Variants in PDZD2 observed in about 807,000 individuals in gnomAD.
PDZD2 encodes PDZ domain-containing protein 2.
PDZD2 carries 90 observed loss-of-function variants against 220.7 expected under a neutral mutation model. The observed-to-expected ratio is 0.41, with a 90% confidence interval of 0.34 to 0.49. The LOEUF (loss-of-function observed/expected upper bound fraction) is 0.49. PDZD2 is among the 20% of genes least tolerant of loss of function. The pLI, the probability that PDZD2 is intolerant of heterozygous loss-of-function variation, is 0.28. For synonymous variants in PDZD2, 1,375 were observed against 1,450.5 expected (o/e 0.95, Z 1.18); for missense variants, 3,174 against 3,608.5 (o/e 0.88, Z 3.08).
intron 8 of PDZD2, among the ~76,000 whole-genome samples, chr5:32,051,257 T>C (rs1362231745): frequency 6.6e-6 from 1 of 152,160 alleles, no homozygotes; most frequent in African/African-American, 2.4e-5. Context: ...ACTGCAATGG[T>C]TTCATTAAAA....
intron 1 of PDZD2, among the ~76,000 whole-genome samples, chr5:31,714,528 T>TC (rs2150141770): frequency 6.6e-6 from 1 of 152,282 alleles, no homozygotes; most frequent in African/African-American, 2.4e-5. Flanking sequence ...GCATCCCTGT[T>TC]ATGCAACCTC....
chr5:32,093,304 G>A (rs1303753065), intron 21 of PDZD2, among the ~76,000 whole-genome samples: 1 of 152,224 alleles, frequency 6.6e-6, no homozygotes, highest in Non-Finnish European at 1.5e-5. Context: ...TAACTCCTAT[G>A]TGTGGAGTTT....
rs565781214 is a variant in PDZD2 at position 31,798,917 on chromosome 5, G to A, written c.-332G>A. The A allele has an allele frequency of 3.2e-5, 10 of 309,856 alleles. No homozygotes were observed. The highest frequency in any genetic ancestry group is 1.2e-5 in the Non-Finnish European group (2 of 167,600). The allele number at this position is 309,856 out of a possible 1,614,324, so 19.2% of individuals were successfully genotyped here. On this transcript the variant is annotated 5_prime_UTR_variant, in exon 2 of 25. Coordinates refer to ENST00000438447, the MANE Select transcript of PDZD2 (RefSeq NM_178140.4). The stretch of plus-strand genomic sequence containing the variant: ...TGAATGAGCCCAGGGAAGGACACAC[G>A]GCCACTGCTGGAGGGATCCTCCATT...
intron 1 of PDZD2, among the ~76,000 whole-genome samples, chr5:31,763,754 C>T (rs1751798395): frequency 6.6e-6 from 1 of 151,810 alleles, no homozygotes; most frequent in Non-Finnish European, 1.5e-5. Context: ...GCTTCACCAG[C>T]CTCATCAAAG....
At chr5:31,854,225 A>G (rs1286748153) in intron 2 of PDZD2, among the ~76,000 whole-genome samples, 1 of 152,190 alleles carries the variant, frequency 6.6e-6, no homozygotes, top group Non-Finnish European at 1.5e-5. Flanking sequence ...GATGTAAACA[A>G]TTCGGCCTCG....
At chr5:31,768,201 G>A (rs1300607130) in intron 1 of PDZD2, among the ~76,000 whole-genome samples, 2 of 152,198 alleles carry the variant, frequency 1.3e-5, no homozygotes, top group African/African-American at 4.8e-5. Context: ...GCAAACAGTT[G>A]GCACCAGAGT....
chr5:31,960,869 T>C (rs546005018), intron 2 of PDZD2, among the ~76,000 whole-genome samples: 53 of 152,354 alleles, frequency 3.5e-4, no homozygotes, highest in African/African-American at 1.2e-3. Flanking sequence ...AAAGTATAAT[T>C]TTGTTAACAA....
intron 8 of PDZD2, among the ~76,000 whole-genome samples, chr5:32,051,637 G>A (rs753784428): frequency 2.6e-5 from 4 of 152,112 alleles, no homozygotes; most frequent in Non-Finnish European, 5.9e-5. Flanking sequence ...TCTAAGGAGC[G>A]CAGCCTGCTT....
At chr5:32,056,177 C>A (rs1739065416) in intron 10 of PDZD2, among the ~76,000 whole-genome samples, 1 of 152,190 alleles carries the variant, frequency 6.6e-6, no homozygotes, top group South Asian at 2.1e-4. Flanking sequence ...CACCTCCTCA[C>A]CTAATTGAGT....
At chr5:32,064,970 A>G (rs1740083160) in intron 14 of PDZD2, among the ~76,000 whole-genome samples, 1 of 151,722 alleles carries the variant, frequency 6.6e-6, no homozygotes, top group Non-Finnish European at 1.5e-5. Flanking sequence ...TTTGTCTCAA[A>G]AAAGTAAAGA....
At position 32,110,424 on chromosome 5, in the gene PDZD2, T is replaced by G. The variant is rs1032830682; in HGVS notation, c.*2289T>G. 1.9e-4 allele frequency: 29 copies of G among 152,650 alleles called. No individual in the cohort carries two copies. Among genetic ancestry groups the G allele is most frequent in the African/African-American group, 7.0e-4 (29 of 41,474 alleles). The allele number at this position is 152,650 out of a possible 1,614,324, so 9.5% of individuals were successfully genotyped here. A position where few individuals can be genotyped will look rare whatever the true frequency, so the allele number is the denominator to read the frequency against. ...GGAAGAAGCAAAAGCTAAACTGTCT[T>G]TGACCCTAAGATAGATAGAAAGCTA... On this transcript the variant is annotated 3_prime_UTR_variant, in exon 25 of 25. Transcript: ENST00000438447.
intron 24 of PDZD2, among the ~76,000 whole-genome samples, chr5:32,103,116 A>AAAAC (rs1260756260): frequency 6.6e-6 from 1 of 152,244 alleles, no homozygotes; most frequent in African/African-American, 2.4e-5. Context: ...CCAGAAGGAA[A>AAAAC]AAACAGAATG....
chr5:32,105,089 G>T (rs928349562), intron 24 of PDZD2, among the ~76,000 whole-genome samples: 3 of 151,428 alleles, frequency 2.0e-5, no homozygotes, highest in Non-Finnish European at 2.9e-5. Flanking sequence ...AGCCATGGTT[G>T]TGCCACAGCA....
chr5:31,971,312 C>T (rs183519480), intron 2 of PDZD2, among the ~76,000 whole-genome samples: 1 of 152,172 alleles, frequency 6.6e-6, no homozygotes, highest in Non-Finnish European at 1.5e-5. Context: ...AACGCTGTGT[C>T]CTCTTACAGT....
intron 1 of PDZD2, among the ~76,000 whole-genome samples, chr5:31,706,459 C>T (rs1473076700): frequency 6.6e-6 from 1 of 152,002 alleles, no homozygotes; most frequent in Non-Finnish European, 1.5e-5. Flanking sequence ...CACAGTTCAG[C>T]AGGTAGGCAT....
chr5:31,729,670 C>T lies in PDZD2; in HGVS notation c.-360-69219C>T, dbSNP rs971907311. The stretch of plus-strand genomic sequence containing the variant: ...CACCAACTTCAGAACAATCTTTTTA[C>T]CTGAGGGTTGTTTTTACAAAATGAG... On this transcript the variant is annotated intron_variant, in intron 1 of 24. Coordinates refer to ENST00000438447, the MANE Select transcript of PDZD2 (RefSeq NM_178140.4). Among the ~76,000 whole-genome samples the T allele has an allele frequency of 3.0e-4, 46 of 152,230 alleles. 1 individual carries two copies. Among genetic ancestry groups the T allele is most frequent in the African/African-American group, 8.2e-4 (34 of 41,542 alleles).
intron 1 of PDZD2, among the ~76,000 whole-genome samples, chr5:31,697,404 A>G (rs1248873706): frequency 6.6e-6 from 1 of 152,228 alleles, no homozygotes; most frequent in Non-Finnish European, 1.5e-5. Context: ...CAGAGGTTGC[A>G]GTCAGCTGAG....
rs922509427 is a variant in PDZD2, at chr5:31,958,934, C to CGATT, written c.477-24206_477-24203dup. On this transcript the variant is annotated intron_variant, in intron 2 of 24. Coordinates refer to ENST00000438447, the MANE Select transcript of PDZD2 (RefSeq NM_178140.4). The stretch of plus-strand genomic sequence containing the variant: ...TGAGCCACCCGGCCTTTAAAGCACT[C>CGATT]GATTGATTGATTGATTGAGATGGAG... 4.1e-4 allele frequency among the ~76,000 whole-genome samples: 60 copies of CGATT among 147,146 alleles called. 1 individual carries two copies. The highest frequency in any genetic ancestry group is 1.3e-3 in the South Asian group (6 of 4,576).
At chr5:31,877,663 T>A (rs898700372) in intron 2 of PDZD2, among the ~76,000 whole-genome samples, 5 of 148,320 alleles carry the variant, frequency 3.4e-5, no homozygotes, top group Non-Finnish European at 7.4e-5. Flanking sequence ...CTTGAGAAAC[T>A]TTGCTGAAAG....
Sources: allele counts gnomAD v4.1 joint callset (sites outside exome capture counted in the v4.1 genomes callset), GRCh38; gene constraint gnomAD v4.1.1; transcripts MANE v1.5; gene names NCBI Gene and HGNC (gene_info 2026-07-23, HGNC 2026-07-21).